The following TRMT9B variants were observed in gnomAD, a reference collection of about 807,000 sequenced individuals.
TRMT9B encodes probable tRNA methyltransferase 9B.
A neutral mutation model predicts 11.5 loss-of-function variants in TRMT9B; 16 were observed. That is an observed-to-expected ratio of 1.39 (90% CI 0.94 to 2.11). TRMT9B has a LOEUF of 2.11. Among genes scored for constraint, TRMT9B ranks in the 30% most tolerant of loss-of-function variants. The pLI is 0.00. For synonymous variants in TRMT9B, 274 were observed against 192.4 expected, an observed-to-expected ratio of 1.42 and a Z score of -3.51; for missense variants, 941 against 553.8, an observed-to-expected ratio of 1.70 and a Z score of -7.02.
intron 1 of TRMT9B, among the ~76,000 whole-genome samples, chr8:12,966,850 G>C (rs575830681): frequency 6.6e-6 from 1 of 152,136 alleles, no homozygotes; most frequent in Non-Finnish European, 1.5e-5. Flanking sequence ...AAGTCTGCAG[G>C]CCTTGTTTTC....
At chr8:13,005,098 AAAG>A (rs1197518572) in intron 2 of TRMT9B, among the ~76,000 whole-genome samples, 1 of 152,112 alleles carries the variant, frequency 6.6e-6, no homozygotes, top group East Asian at 1.9e-4. Flanking sequence ...AAAAAAAAAA[AAAG>A]AAAAAGAAAA....
intron 2 of TRMT9B, among the ~76,000 whole-genome samples, chr8:12,995,430 T>C (rs1359035727): frequency 6.6e-6 from 1 of 152,200 alleles, no homozygotes; most frequent in African/African-American, 2.4e-5. Flanking sequence ...TCTTTATACA[T>C]ATTAAGTCAT....
At chr8:12,997,982 C>T (rs970092929) in intron 2 of TRMT9B, among the ~76,000 whole-genome samples, 10 of 152,092 alleles carry the variant, frequency 6.6e-5, no homozygotes, top group African/African-American at 1.7e-4. Flanking sequence ...CTTAAATTTG[C>T]GGTTCCCTGA....
chr8:12,999,877 T>C (rs1286675702), intron 2 of TRMT9B, among the ~76,000 whole-genome samples: 2 of 152,216 alleles, frequency 1.3e-5, no homozygotes, highest in Non-Finnish European at 2.9e-5. Flanking sequence ...CTGTCCGGTT[T>C]TCTCTCAATT....
rs753302483 is a variant in TRMT9B at position 13,021,882 on chromosome 8, T to C, written c.1203T>C (p.Asp401=). Residue 401 remains aspartate, a synonymous_variant, in exon 5 of 5, where the codon GAT becomes GAC. Coordinates refer to ENST00000524591, the MANE Select transcript of TRMT9B (RefSeq NM_020844.3). ...TGTCTGTCGAAGATCCACAGACTGA[T>C]GTTTTGGACTCCACAGCCTTTATGC... ...DTMSVEDPQT[D]VLDSTAFMRY... 33 of 1,613,704 alleles carry C rather than the reference T, an allele frequency of 2.0e-5. No homozygotes were observed. Among genetic ancestry groups the C allele is most frequent in the Non-Finnish European group, 2.8e-5 (33 of 1,179,894 alleles).
chr8:13,008,985 C>G (rs983839091), intron 3 of TRMT9B, among the ~76,000 whole-genome samples: 1 of 152,166 alleles, frequency 6.6e-6, no homozygotes, highest in Non-Finnish European at 1.5e-5. Flanking sequence ...ACCTTCGCCT[C>G]CCAAAGTGCT....
chr8:13,028,817 A>G lies in TRMT9B; in HGVS notation c.*6773A>G, dbSNP rs1815029458. On this transcript the variant is annotated 3_prime_UTR_variant, in exon 5 of 5. Transcript: ENST00000524591. ...GCTGGTCTTGAACTCCTGACCTCTT[A>G]CGAGCTAATCATACCACTTCTAACT... is the stretch of plus-strand genomic sequence containing the variant. The G allele has an allele frequency of 6.0e-6, 1 of 166,350 alleles. No homozygotes were observed. Among genetic ancestry groups the G allele is most frequent in the South Asian group, 2.1e-4 (1 of 4,816 alleles). 10.3% of individuals were successfully genotyped at this position (166,350 alleles called of 1,614,324 possible). A position where few individuals can be genotyped will look rare whatever the true frequency, so the allele number is the denominator to read the frequency against.
intron 4 of TRMT9B, among the ~76,000 whole-genome samples, chr8:13,014,702 T>G (rs74932171): frequency 3.3e-5 from 5 of 152,146 alleles, no homozygotes; most frequent in African/African-American, 1.2e-4. Flanking sequence ...CACTATACAA[T>G]GCTTTGAATC....
chr8:12,968,277 C>T (rs1240787392), intron 1 of TRMT9B, among the ~76,000 whole-genome samples: 2 of 152,150 alleles, frequency 1.3e-5, no homozygotes, highest in African/African-American at 4.8e-5. Flanking sequence ...ACTTTCTGGG[C>T]ATGTGGCCTG....
intron 4 of TRMT9B, among the ~76,000 whole-genome samples, chr8:13,019,875 C>T (rs1813485637): frequency 1.3e-5 from 2 of 152,080 alleles, no homozygotes; most frequent in African/African-American, 2.4e-5. Flanking sequence ...TTCTTCAAAC[C>T]CATTTCACCC....
At position 13,029,133 on chromosome 8, in the gene TRMT9B, A is replaced by G. The variant is rs921588766; in HGVS notation, c.*7089A>G. 1.2e-5 allele frequency: 2 copies of G among 167,050 alleles called. No individual in the cohort carries two copies. Among genetic ancestry groups the G allele is most frequent in the African/African-American group, 4.8e-5 (2 of 41,450 alleles). 10.3% of individuals were successfully genotyped at this position (167,050 alleles called of 1,614,324 possible). ...AAGTAGTTCTTTTGTGCACGCGTGAATACATCAAATTAGCAATTACCATAG... is the reference window on the plus strand; with the variant it reads ...AAGTAGTTCTTTTGTGCACGCGTGAGTACATCAAATTAGCAATTACCATAG... On this transcript the variant is annotated 3_prime_UTR_variant, in exon 5 of 5. Coordinates refer to ENST00000524591, the MANE Select transcript of TRMT9B (RefSeq NM_020844.3).
intron 1 of TRMT9B, among the ~76,000 whole-genome samples, chr8:12,948,980 C>A (rs905704012): frequency 4.6e-5 from 7 of 152,080 alleles, no homozygotes; most frequent in South Asian, 2.1e-4. Flanking sequence ...AAACAAAAAA[C>A]CAGAAAAACA....
chr8:13,021,629 C>G lies in TRMT9B; in HGVS notation c.950C>G (p.Ser317Cys), dbSNP rs570091657. The change falls in exon 5 of 5, where the codon TCT becomes TGT. Residue 317 changes from serine (S) to cysteine (C), a missense_variant. By Grantham distance (112) the Ser-to-Cys change is moderately radical. Transcript: ENST00000524591. Reference protein sequence around the residue: ...LDEEVFVESSSGKHLEWLRAP... With the variant: ...LDEEVFVESSCGKHLEWLRAP... ...GAGGAAGTGTTTGTGGAATCTTCTT[C>G]TGGAAAACACTTGGAGTGGCTGAGA... 1.2e-5 allele frequency: 19 copies of G among 1,613,776 alleles called. No homozygotes were observed. In the South Asian group the frequency reaches 2.0e-4, roughly 17 times the overall value.
rs913680456 is a variant in TRMT9B at position 13,024,634 on chromosome 8, C to A, written c.*2590C>A. 2 of 167,188 alleles carry A rather than the reference C, an allele frequency of 1.2e-5. No homozygotes were observed. The highest frequency in any genetic ancestry group is 2.1e-4 in the South Asian group (1 of 4,828). 10.4% of individuals were successfully genotyped at this position (167,188 alleles called of 1,614,324 possible). On this transcript the variant is annotated 3_prime_UTR_variant, in exon 5 of 5. Transcript: ENST00000524591. ...CAGACTCTTTAGCCTTTGAGCTAAA[C>A]TGTCTGAGCAACCTCTTAGATGTGC... is the stretch of plus-strand genomic sequence containing the variant.
At chr8:13,005,558 C>G (rs1241575589) in intron 2 of TRMT9B, among the ~76,000 whole-genome samples, 1 of 152,068 alleles carries the variant, frequency 6.6e-6, no homozygotes, top group Non-Finnish European at 1.5e-5. Flanking sequence ...ATATATACAC[C>G]TACTATGTAC....
At chr8:12,974,528 T>G (rs574489162) in intron 1 of TRMT9B, among the ~76,000 whole-genome samples, 1 of 152,280 alleles carries the variant, frequency 6.6e-6, no homozygotes, top group South Asian at 2.1e-4. Flanking sequence ...CCCAACAGAA[T>G]AAGTTTCCAG....
At chr8:12,992,879 A>C (rs1807621030) in intron 2 of TRMT9B, among the ~76,000 whole-genome samples, 1 of 152,128 alleles carries the variant, frequency 6.6e-6, no homozygotes, top group South Asian at 2.1e-4. Flanking sequence ...CAAAAAGTAA[A>C]AACTAAAAAT....
intron 4 of TRMT9B, among the ~76,000 whole-genome samples, chr8:13,015,311 T>C (rs188445288): frequency 6.6e-6 from 1 of 152,268 alleles, no homozygotes; most frequent in African/African-American, 2.4e-5. Context: ...CATTTAACTT[T>C]TCAAGTGTAC....
chr8:13,026,148 G>C lies in TRMT9B; in HGVS notation c.*4104G>C, dbSNP rs564726938. 5.4e-5 allele frequency: 9 copies of C among 167,210 alleles called. No individual in the cohort carries two copies. The highest frequency in any genetic ancestry group is 2.2e-4 in the African/African-American group (9 of 41,580). The allele number at this position is 167,210 out of a possible 1,614,324, so 10.4% of individuals were successfully genotyped here. A position where few individuals can be genotyped will look rare whatever the true frequency, so the allele number is the denominator to read the frequency against. The stretch of plus-strand genomic sequence containing the variant: ...AGGAGGAAATGGGAACCAACCACCA[G>C]ACAAGCAGCTGCAGTCTAAGAAAAA... On this transcript the variant is annotated 3_prime_UTR_variant, in exon 5 of 5. Coordinates refer to ENST00000524591, the MANE Select transcript of TRMT9B (RefSeq NM_020844.3).
Sources: allele counts gnomAD v4.1 joint callset (sites outside exome capture counted in the v4.1 genomes callset), GRCh38; gene constraint gnomAD v4.1.1; transcripts MANE v1.5; gene names NCBI Gene and HGNC (gene_info 2026-07-23, HGNC 2026-07-21).